PIGL: variants seen among roughly 807,000 people sequenced by gnomAD.
PIGL encodes the protein phosphatidylinositol glycan anchor biosynthesis class L.
PIGL carries 22 observed loss-of-function variants against 31.1 expected under a neutral mutation model. The observed-to-expected ratio is 0.71, with a 90% confidence interval of 0.51 to 1.01. PIGL has a LOEUF of 1.01. PIGL is among the 50% of genes least tolerant of loss of function. The probability of loss-of-function intolerance (pLI) is 0.00; values close to 1 mark genes in which losing one functional copy is unlikely to be tolerated. For synonymous variants in PIGL, 131 were observed against 117.4 expected (o/e 1.12, Z -0.75); for missense variants, 302 against 315.9 (o/e 0.96, Z 0.33).
intron 3 of PIGL, among the ~76,000 whole-genome samples, chr17:16,308,170 T>C (rs950807708): frequency 9.9e-5 from 15 of 151,700 alleles, no homozygotes; most frequent in African/African-American, 3.6e-4. Flanking sequence ...CCATCTCTAC[T>C]AAAAATACAA....
chr17:16,278,200 T>C lies in PIGL; in HGVS notation c.336-21688T>C, dbSNP rs568886697. 3.7e-4 allele frequency among the ~76,000 whole-genome samples: 56 copies of C among 152,194 alleles called. 1 individual carries two copies. The South Asian group carries it at 0.012, about 31-fold the overall frequency. The stretch of plus-strand genomic sequence containing the variant: ...TCTACCGAGTAACTGGGATTACAAG[T>C]GTGAGCCACCACGCCTGGCTAATTT... On this transcript the variant is annotated intron_variant, in intron 2 of 6. Transcript: ENST00000225609.
intron 6 of PIGL, among the ~76,000 whole-genome samples, chr17:16,321,740 C>G (rs148117768): frequency 6.6e-6 from 1 of 152,002 alleles, no homozygotes; most frequent in East Asian, 1.9e-4. Flanking sequence ...CTCCCTCCCT[C>G]TTTCTGTCTG....
intron 1 of PIGL, among the ~76,000 whole-genome samples, chr17:16,229,721 C>A (rs1036520496): frequency 7.9e-5 from 12 of 151,964 alleles, no homozygotes; most frequent in Non-Finnish European, 5.9e-5. Context: ...TTTTGATTTT[C>A]ATTTCCCTGA....
intron 6 of PIGL, among the ~76,000 whole-genome samples, chr17:16,320,246 G>A: frequency 1.1e-5 from 1 of 90,740 alleles, no homozygotes; most frequent in African/African-American, 4.4e-5. Flanking sequence ...AGGAAGGAAG[G>A]AAGGAAAGGA....
Position 16,217,330 on chromosome 17 carries a change from G to A in PIGL, c.104G>A (p.Gly35Glu). The change falls in exon 1 of 7, where the codon GGA becomes GAA. Residue 35 changes from glycine to glutamate, a missense_variant. Gly to Glu is a moderately conservative substitution (Grantham distance 98). Transcript: ENST00000225609. ...SERMKSREQG[G>E]RLGAESRTLL... is the part of the protein sequence containing the mutation. Reference sequence around the variant, plus strand: ...CGAATGAAGAGTCGGGAGCAGGGAGGACGGCTGGGAGCCGAAAGCCGGACC... The same window carrying A: ...CGAATGAAGAGTCGGGAGCAGGGAGAACGGCTGGGAGCCGAAAGCCGGACC... The A allele has an allele frequency of 6.2e-7, 1 of 1,614,212 alleles. No individual in the cohort carries two copies. The highest frequency in any genetic ancestry group is 8.5e-7 in the Non-Finnish European group (1 of 1,180,032).
intron 6 of PIGL, among the ~76,000 whole-genome samples, chr17:16,320,200 GAAAAGGAAGGAA>G (rs1312248416): frequency 9.2e-6 from 1 of 108,272 alleles, no homozygotes; most frequent in Non-Finnish European, 1.8e-5. Flanking sequence ...GTGAGAGAAA[GAAAAGGAAGGAA>G]GGAAGGAAGG....
chr17:16,254,547 C>T (rs1406334188), intron 2 of PIGL, among the ~76,000 whole-genome samples: 7 of 152,062 alleles, frequency 4.6e-5, no homozygotes, highest in Non-Finnish European at 1.0e-4. Context: ...GGATTACAGG[C>T]GTGAGCCACC....
chr17:16,291,142 T>A (rs1290517991), intron 2 of PIGL, among the ~76,000 whole-genome samples: 1 of 152,220 alleles, frequency 6.6e-6, no homozygotes, highest in African/African-American at 2.4e-5. Context: ...CTCAGCCCCA[T>A]TAGTGCTTGT....
At chr17:16,262,113 C>G (rs1161620355) in intron 2 of PIGL, among the ~76,000 whole-genome samples, 1 of 152,022 alleles carries the variant, frequency 6.6e-6, no homozygotes, top group Non-Finnish European at 1.5e-5. Context: ...ATCCCATCTA[C>G]TCAAGAGGCT....
chr17:16,259,994 T>TGA (rs1477433622), intron 2 of PIGL, among the ~76,000 whole-genome samples: 2 of 152,230 alleles, frequency 1.3e-5, no homozygotes, highest in Non-Finnish European at 2.9e-5. Flanking sequence ...AAGTTGAGGC[T>TGA]GAGCCCAGGC....
At chr17:16,320,531 GAAGA>G (rs1568848480) in intron 6 of PIGL, among the ~76,000 whole-genome samples, 1 of 126,108 alleles carries the variant, frequency 7.9e-6, no homozygotes, top group Non-Finnish European at 1.6e-5. Context: ...GAAAAGAAAA[GAAGA>G]AGGAAGGAAG....
In PIGL at chr17:16,236,514, G is replaced by A. The variant is rs560073762; in HGVS notation, c.335+2444G>A. ...AAAGAGCCTTTGTTTGTCTTAGTAG[G>A]GAATGGTATTTAGAGTCCATAACCA... is the stretch of plus-strand genomic sequence containing the variant. On this transcript the variant is annotated intron_variant, in intron 2 of 6. Coordinates refer to ENST00000225609, the MANE Select transcript of PIGL (RefSeq NM_004278.4). 1.2e-4 allele frequency among the ~76,000 whole-genome samples: 18 copies of A among 152,188 alleles called. 1 individual carries two copies. The highest frequency in any genetic ancestry group is 4.1e-4 in the African/African-American group (17 of 41,516).
rs79537410 is a variant in PIGL, at chr17:16,324,666, T to C, written c.661-1134T>C. ...GAGCCTCCATACCTGGCAAGTCATG[T>C]AGGGTCTGACAATGAATATAAAAGG... On this transcript the variant is annotated intron_variant, in intron 6 of 6. Transcript: ENST00000225609. Among the ~76,000 whole-genome samples, 1,463 of 152,298 alleles carry C rather than the reference T, an allele frequency of 9.6e-3. 30 individuals are homozygous for C. The highest frequency in any genetic ancestry group is 0.033 in the African/African-American group (1,355 of 41,554).
chr17:16,226,240 A>C (rs1259315390), intron 1 of PIGL, among the ~76,000 whole-genome samples: 1 of 152,124 alleles, frequency 6.6e-6, no homozygotes, highest in African/African-American at 2.4e-5. Flanking sequence ...CACAATGTTT[A>C]GTACCTCATT....
chr17:16,240,835 A>G (rs537721822), intron 2 of PIGL, among the ~76,000 whole-genome samples: 1 of 148,340 alleles, frequency 6.7e-6, no homozygotes, highest in African/African-American at 2.5e-5. Flanking sequence ...TAGGCCGGGC[A>G]TGGTGGCTCA....
intron 3 of PIGL, among the ~76,000 whole-genome samples, chr17:16,311,360 A>G (rs1270695446): frequency 2.0e-5 from 3 of 150,192 alleles, no homozygotes; most frequent in Non-Finnish European, 4.4e-5. Flanking sequence ...TGTGTGAAGT[A>G]CAATTATGAT....
chr17:16,299,795 A>G (rs2092996619), intron 2 of PIGL, 93 bp from the exon 3 acceptor site: 1 of 853,534 alleles, frequency 1.2e-6, no homozygotes, highest in Non-Finnish European at 2.0e-6. Context: ...CCCCAATGTA[A>G]CTATCATAAA....
At chr17:16,252,164 C>T (rs565369422) in intron 2 of PIGL, among the ~76,000 whole-genome samples, 2 of 151,448 alleles carry the variant, frequency 1.3e-5, no homozygotes, top group East Asian at 1.9e-4. Context: ...ACCTCCACCT[C>T]CCAGGTTCAA....
chr17:16,268,561 A>G (rs1257224451), intron 2 of PIGL, among the ~76,000 whole-genome samples: 1 of 151,180 alleles, frequency 6.6e-6, no homozygotes, highest in Non-Finnish European at 1.5e-5. Flanking sequence ...CGATTCTCCT[A>G]CCTTAGCCTC....
Sources: allele counts gnomAD v4.1 joint callset (sites outside exome capture counted in the v4.1 genomes callset), GRCh38; gene constraint gnomAD v4.1.1; transcripts MANE v1.5; gene names NCBI Gene and HGNC (gene_info 2026-07-23, HGNC 2026-07-21).